LY6S: variants seen among roughly 807,000 people sequenced by gnomAD.
LY6S encodes lymphocyte antigen 6 family member S, also known as lymphocyte antigen 6S.
the LY6S span, chr8:143,053,821 T>C: frequency 2.0e-5 from 3 of 152,188 alleles, no homozygotes; most frequent in East Asian, 5.8e-4. Context: ...TCTGCAGGAA[T>C]TATACTGATA....
the LY6S span, among the ~76,000 whole-genome samples, chr8:143,070,452 A>ATT: frequency 9.7e-5 from 5 of 51,326 alleles, no homozygotes; most frequent in African/African-American, 3.6e-4. Flanking sequence ...TATTGTATAT[A>ATT]TATATATATA....
chr8:143,053,909 A>C, the LY6S span: 1 of 152,206 alleles, frequency 6.6e-6, no homozygotes, highest in East Asian at 1.9e-4. Context: ...TCCTGTCAGC[A>C]CAACTAGGAC....
At chr8:143,044,846 T>C in the LY6S span, 71 of 1,345,076 alleles carry the variant, frequency 5.3e-5, no homozygotes, top group African/African-American at 7.9e-4. Flanking sequence ...TGCCAGGACA[T>C]ACACCAATGC....
the LY6S span, chr8:143,057,708 T>G: frequency 2.5e-6 from 2 of 806,430 alleles, no homozygotes; most frequent in East Asian, 4.9e-5. Context: ...AGGCGTTGTT[T>G]AATGACCTCA....
chr8:143,057,340 C>T, the LY6S span: 57 of 376,016 alleles, frequency 1.5e-4, no homozygotes, highest in Non-Finnish European at 2.6e-4. Context: ...ATCTCCACCT[C>T]CAGGGTTCAA....
the LY6S span, chr8:143,044,934 C>T: frequency 7.0e-4 from 643 of 912,408 alleles, no homozygotes; most frequent in Admixed American, 1.7e-3. Context: ...TGGACCTTTG[C>T]AATAGCCCCA....
At chr8:143,051,295 C>T in the LY6S span, among the ~76,000 whole-genome samples, 1 of 152,176 alleles carries the variant, frequency 6.6e-6, no homozygotes. Flanking sequence ...AATCCCAGCA[C>T]TTTAGGAGGC....
chr8:143,049,737 A>G, the LY6S span, among the ~76,000 whole-genome samples: 1 of 152,266 alleles, frequency 6.6e-6, no homozygotes, highest in African/African-American at 2.4e-5. Context: ...TGCAGGTACA[A>G]TAGGGACTTG....
the LY6S span, chr8:143,049,250 T>A: frequency 1.9e-6 from 1 of 534,794 alleles, no homozygotes; most frequent in Non-Finnish European, 3.8e-6. Context: ...CTACTCTCAC[T>A]GAACACCCCT....
chr8:143,042,439 G>A, the LY6S span: 1 of 153,266 alleles, frequency 6.5e-6, no homozygotes, highest in Non-Finnish European at 1.5e-5. Flanking sequence ...AGTTCTGCCA[G>A]AAGAGCCATG....
chr8:143,054,065 G>C, the LY6S span: 218 of 152,288 alleles, frequency 1.4e-3, 1 homozygote, highest in African/African-American at 5.1e-3. Context: ...CCAGAACTTT[G>C]GGAAGCCAAG....
chr8:143,043,276 G>C, the LY6S span: 1 of 1,347,844 alleles, frequency 7.4e-7, no homozygotes, highest in South Asian at 1.2e-5. Context: ...AGTTTCAGCA[G>C]GGGGAATCCG....
At chr8:143,057,816 TG>T in the LY6S span, 1 of 766,552 alleles carries the variant, frequency 1.3e-6, no homozygotes. Context: ...ACAGCTAGAC[TG>T]GGTGAGACTT....
At chr8:143,074,283 T>C in the LY6S span, among the ~76,000 whole-genome samples, 1 of 152,116 alleles carries the variant, frequency 6.6e-6, no homozygotes, top group Admixed American at 6.5e-5. Context: ...GTTGGATCAG[T>C]ACCATATGGC....
chr8:143,069,987 G>A, the LY6S span, among the ~76,000 whole-genome samples: 1 of 152,086 alleles, frequency 6.6e-6, no homozygotes, highest in Admixed American at 6.5e-5. Flanking sequence ...CCGCCATAAC[G>A]AACACCACAA....
the LY6S span, among the ~76,000 whole-genome samples, chr8:143,062,872 A>G: frequency 6.6e-6 from 1 of 152,318 alleles, no homozygotes; most frequent in East Asian, 1.9e-4. Context: ...TTTATCTGGA[A>G]ATACTAAAGT....
the LY6S span, among the ~76,000 whole-genome samples, chr8:143,067,207 T>C: frequency 6.6e-6 from 1 of 152,218 alleles, no homozygotes; most frequent in Non-Finnish European, 1.5e-5. Context: ...TGTGTCTACG[T>C]AGAAAAGGAA....
chr8:143,064,716 T>C, the LY6S span, among the ~76,000 whole-genome samples: 1 of 152,212 alleles, frequency 6.6e-6, no homozygotes, highest in Non-Finnish European at 1.5e-5. Flanking sequence ...AAACCATTTA[T>C]GATCTCCAGG....
At chr8:143,062,531 G>A in the LY6S span, among the ~76,000 whole-genome samples, 1 of 152,150 alleles carries the variant, frequency 6.6e-6, no homozygotes, top group South Asian at 2.1e-4. Context: ...AAAATTAGCT[G>A]GGAGTGATGG....
Sources: gnomAD v4.1 joint callset for allele counts (sites outside exome capture counted in the v4.1 genomes callset) on GRCh38, gnomAD v4.1.1 for gene constraint, MANE v1.5 for transcripts, NCBI Gene and HGNC (gene_info 2026-07-23, HGNC 2026-07-21) for gene names.